The following KIAA0825 variants were observed in gnomAD, a reference collection of about 807,000 sequenced individuals.
The protein encoded by KIAA0825 is uncharacterized protein KIAA0825.
KIAA0825 carries 119 observed loss-of-function variants against 147.6 expected under a neutral mutation model. The observed-to-expected ratio is 0.81, with a 90% CI of 0.69 to 0.94. The LOEUF is 0.94. KIAA0825 is among the 40% of genes least tolerant of loss of function. The probability of loss-of-function intolerance (pLI) is 0.00; values close to 1 mark genes in which losing one functional copy is unlikely to be tolerated. For missense variants in KIAA0825, 1,381 were observed against 1,472.7 expected (o/e 0.94, Z 1.02); for synonymous variants, 470 against 518.1 (o/e 0.91, Z 1.26).
intron 11 of KIAA0825, among the ~76,000 whole-genome samples, chr5:94,464,629 T>A (rs917971486): frequency 6.6e-6 from 1 of 152,222 alleles, no homozygotes; most frequent in Non-Finnish European, 1.5e-5. Context: ...ACACCTTGAA[T>A]CATTTTTTAG....
intron 18 of KIAA0825, among the ~76,000 whole-genome samples, chr5:94,390,628 G>C (rs1182304199): frequency 6.6e-6 from 1 of 152,100 alleles, no homozygotes; most frequent in Admixed American, 6.5e-5. Context: ...TCGACTGTTT[G>C]ATCTATGAAA....
intron 20 of KIAA0825, among the ~76,000 whole-genome samples, chr5:94,282,885 A>G (rs1777522849): frequency 6.6e-6 from 1 of 152,128 alleles, no homozygotes; most frequent in South Asian, 2.1e-4. Context: ...AAAAATATAA[A>G]AAGTGCAAAG....
chr5:94,544,072 C>G (rs953263687), intron 2 of KIAA0825, among the ~76,000 whole-genome samples: 5 of 152,300 alleles, frequency 3.3e-5, no homozygotes, highest in African/African-American at 9.6e-5. Flanking sequence ...TGGACTCACC[C>G]TGAATTCTTT....
At chr5:94,456,659 T>TA (rs1202427259) in intron 12 of KIAA0825, among the ~76,000 whole-genome samples, 8 of 152,200 alleles carry the variant, frequency 5.3e-5, no homozygotes, top group Non-Finnish European at 7.3e-5. Context: ...AAATGGGAAT[T>TA]AAAATAGTAA....
At chr5:94,265,445 G>A (rs1031284807) in intron 20 of KIAA0825, among the ~76,000 whole-genome samples, 6 of 152,168 alleles carry the variant, frequency 3.9e-5, no homozygotes, top group African/African-American at 1.4e-4. Flanking sequence ...AGGGATCAAT[G>A]CAGTGGGATC....
At chr5:94,169,466 C>T (rs1295253753) in intron 20 of KIAA0825, among the ~76,000 whole-genome samples, 1 of 151,428 alleles carries the variant, frequency 6.6e-6, no homozygotes, top group African/African-American at 2.4e-5. Flanking sequence ...CCTGTAATCC[C>T]AGCATTTTGG....
At chr5:94,584,948 T>C (rs532184252) in intron 1 of KIAA0825, among the ~76,000 whole-genome samples, 2 of 152,184 alleles carry the variant, frequency 1.3e-5, no homozygotes, top group African/African-American at 2.4e-5. Context: ...CTAAGCTTCA[T>C]AAGGGCAGGG....
At chr5:94,423,227 T>C (rs1754426196) in intron 14 of KIAA0825, among the ~76,000 whole-genome samples, 1 of 152,150 alleles carries the variant, frequency 6.6e-6, no homozygotes, top group Non-Finnish European at 1.5e-5. Context: ...GAAAGCAGTA[T>C]TGGCAAGCCA....
intron 20 of KIAA0825, among the ~76,000 whole-genome samples, chr5:94,231,313 G>A (rs1353060874): frequency 2.6e-5 from 4 of 152,078 alleles, no homozygotes; most frequent in Non-Finnish European, 5.9e-5. Context: ...TATGTGGGCA[G>A]TAAACTGATA....
At chr5:94,500,111 G>A (rs2151112069) in intron 5 of KIAA0825, among the ~76,000 whole-genome samples, 1 of 152,240 alleles carries the variant, frequency 6.6e-6, no homozygotes, top group South Asian at 2.1e-4. Flanking sequence ...AATATGAGGT[G>A]GGGAGAGGCA....
At chr5:94,225,830 A>G (rs35184505) in intron 20 of KIAA0825, among the ~76,000 whole-genome samples, 13,286 of 152,158 alleles carry the variant, frequency 0.087, 736 homozygotes, top group Middle Eastern at 0.14. Context: ...TTGGTTTTAA[A>G]ATCCCTTCCT....
intron 1 of KIAA0825, among the ~76,000 whole-genome samples, chr5:94,604,926 A>G (rs1787206356): frequency 6.6e-6 from 1 of 152,136 alleles, no homozygotes; most frequent in Non-Finnish European, 1.5e-5. Flanking sequence ...TAGAGACAAG[A>G]AAAGAAGCCA....
At chr5:94,548,341 T>C (rs1774866340) in intron 2 of KIAA0825, among the ~76,000 whole-genome samples, 1 of 152,176 alleles carries the variant, frequency 6.6e-6, no homozygotes. Flanking sequence ...TTGTCATTAG[T>C]CTAAACTAAT....
At chr5:94,288,914 A>G (rs1777767605) in intron 20 of KIAA0825, among the ~76,000 whole-genome samples, 2 of 152,240 alleles carry the variant, frequency 1.3e-5, no homozygotes, top group South Asian at 2.1e-4. Flanking sequence ...ACCTACCTCA[A>G]ATGTGAGCTG....
rs977294678 is a variant in KIAA0825, at chr5:94,272,123, A to G, written c.3710+112245T>C. On this transcript the variant is annotated intron_variant, in intron 20 of 20. Transcript: ENST00000682413. ...TGTAGGAGCAAAAAAAAAAAAAAAA[A>G]AAAAAAAAACTAAGACAATTGAACT... Among the ~76,000 whole-genome samples, 343 of 151,310 alleles carry G rather than the reference A, an allele frequency of 2.3e-3. 1 individual carries two copies. The highest frequency in any genetic ancestry group is 3.4e-3 in the Middle Eastern group (1 of 290).
rs553369106 is a variant in KIAA0825 at position 94,599,782 on chromosome 5, C to CA, written c.-152-17200dup. ...TCCCAGAATACATAAAGCACTAGTACAAAATCTTCACAGCATTCTCTGCCC... is the reference window on the plus strand; with the variant it reads ...TCCCAGAATACATAAAGCACTAGTACAAAAATCTTCACAGCATTCTCTGCCC... On this transcript the variant is annotated intron_variant, in intron 1 of 20. Transcript: ENST00000682413. Among the ~76,000 whole-genome samples the CA allele has an allele frequency of 3.3e-5, 5 of 152,236 alleles. No individual in the cohort carries two copies. The South Asian group carries it at 1.0e-3, about 32-fold the overall frequency.
chr5:94,438,986 G>A (rs777725923), intron 14 of KIAA0825, among the ~76,000 whole-genome samples: 1 of 152,198 alleles, frequency 6.6e-6, no homozygotes, highest in Non-Finnish European at 1.5e-5. Context: ...CGAAACATCA[G>A]CTGGGCTTTG....
At chr5:94,519,114 G>T in intron 5 of KIAA0825, 1 of 625,838 alleles carries the variant, frequency 1.6e-6, no homozygotes, top group South Asian at 7.2e-5. Flanking sequence ...ACCGAATTTG[G>T]CAGATGCATC....
intron 20 of KIAA0825, among the ~76,000 whole-genome samples, chr5:94,166,105 A>G (rs1412666621): frequency 6.6e-6 from 1 of 152,206 alleles, no homozygotes; most frequent in Non-Finnish European, 1.5e-5. Flanking sequence ...GTATCATAAC[A>G]TCTCATGTAC....
Sources: allele counts gnomAD v4.1 joint callset (sites outside exome capture counted in the v4.1 genomes callset), GRCh38; gene constraint gnomAD v4.1.1; transcripts MANE v1.5; gene names NCBI Gene and HGNC (gene_info 2026-07-23, HGNC 2026-07-21).